The following COPS8 variants were observed in gnomAD, a reference collection of about 807,000 sequenced individuals.
The protein encoded by COPS8 is COP9 signalosome complex subunit 8.
A neutral mutation model predicts 31.5 loss-of-function variants in COPS8; 11 were observed. The observed-to-expected ratio is 0.35, with a 90% CI of 0.22 to 0.58. The LOEUF is 0.58. Among genes scored for constraint, COPS8 ranks in the 20% least tolerant of loss-of-function variants. The pLI is 0.83. For missense variants in COPS8, 215 were observed against 255.1 expected (o/e 0.84, Z 1.07); for synonymous variants, 81 against 89.3 (o/e 0.91, Z 0.52).
At chr2:237,096,695 A>G in intron 6 of COPS8, 127 bp from the exon 7 acceptor site, 1 of 727,736 alleles carries the variant, frequency 1.4e-6, no homozygotes, top group Non-Finnish European at 2.4e-6. Context: ...AATGGAGCAC[A>G]GTTGTTATCC....
chr2:237,093,402 T>G (rs1223826539), intron 4 of COPS8, among the ~76,000 whole-genome samples: 1 of 152,200 alleles, frequency 6.6e-6, no homozygotes, highest in Non-Finnish European at 1.5e-5. Flanking sequence ...CAATGAGCAA[T>G]GCCCAGGGAG....
intron 2 of COPS8, chr2:237,087,690 G>A (rs1696644404): frequency 5.8e-6 from 1 of 173,848 alleles, no homozygotes; most frequent in Non-Finnish European, 1.2e-5. Context: ...AGCACTCTGG[G>A]AGGCCAAGGC....
Position 237,086,057 on chromosome 2 carries a change from C to G in COPS8, c.78+15C>G. On this transcript the variant is annotated intron_variant, in intron 1 of 7. Coordinates refer to ENST00000354371, the MANE Select transcript of COPS8 (RefSeq NM_006710.5). ...AGGAGCTCGAGGTAACCCTTTGCGT[C>G]GCGCTGGGAGAAACTGCGGAGTAGT... The G allele has an allele frequency of 6.2e-7, 1 of 1,610,420 alleles. No homozygotes were observed. The highest frequency in any genetic ancestry group is 8.5e-7 in the Non-Finnish European group (1 of 1,177,450).
chr2:237,095,752 A>G (rs1187065747), intron 5 of COPS8, 70 bp from the exon 6 acceptor site: 5 of 1,021,148 alleles, frequency 4.9e-6, no homozygotes, highest in South Asian at 1.3e-5. Context: ...AACTAATGTC[A>G]TGGACAAGTT....
chr2:237,096,354 T>C (rs759890819), intron 6 of COPS8, among the ~76,000 whole-genome samples: 8 of 152,148 alleles, frequency 5.3e-5, no homozygotes, highest in Non-Finnish European at 8.8e-5. Flanking sequence ...CCTGCCCTCA[T>C]TGTCTTTATC....
In COPS8 at chr2:237,088,660, A is replaced by G. The variant is rs1696659027; in HGVS notation, c.198+7A>G. 6.4e-7 allele frequency: 1 copy of G among 1,571,090 alleles called. No homozygotes were observed. The highest frequency in any genetic ancestry group is 1.4e-5 in the African/African-American group (1 of 73,852). On this transcript the variant is annotated splice_region_variant and intron_variant, in intron 3 of 7. Coordinates refer to ENST00000354371, the MANE Select transcript of COPS8 (RefSeq NM_006710.5). ...ACCACCTGCTATAAAATCTGTAAGTATCCTTTAAACCTATTTTACTGCTTT... is the reference window on the plus strand; with the variant it reads ...ACCACCTGCTATAAAATCTGTAAGTGTCCTTTAAACCTATTTTACTGCTTT...
chr2:237,099,121 T>C lies in COPS8; in HGVS notation c.*1379T>C, dbSNP rs1696852600. 6.6e-6 allele frequency: 1 copy of C among 152,150 alleles called. No homozygotes were observed. The highest frequency in any genetic ancestry group is 2.4e-5 in the African/African-American group (1 of 41,442). 9.4% of individuals were successfully genotyped at this position (152,150 alleles called of 1,614,324 possible). A position where few individuals can be genotyped will look rare whatever the true frequency, so the allele number is the denominator to read the frequency against. On this transcript the variant is annotated 3_prime_UTR_variant, in exon 8 of 8. Coordinates refer to ENST00000354371, the MANE Select transcript of COPS8 (RefSeq NM_006710.5). ...AAATATTCATTAATAGGGGATTGTT[T>C]GAATAAACAGCAGTGTAGACTACGC...
rs79159519 is a variant in COPS8 at position 237,090,262 on chromosome 2, G to A, written c.331+268G>A. On this transcript the variant is annotated intron_variant, in intron 4 of 7. Transcript: ENST00000354371. Reference sequence around the variant, plus strand: ...TAAGAGTTTTTTTTGCTATTAAAACGAGATCTTGTAATATTCTAATAAGTT... The same window carrying A: ...TAAGAGTTTTTTTTGCTATTAAAACAAGATCTTGTAATATTCTAATAAGTT... Among the ~76,000 whole-genome samples, 58 of 152,232 alleles carry A rather than the reference G, an allele frequency of 3.8e-4. No homozygotes were observed. In the East Asian group the frequency reaches 7.7e-3, roughly 20 times the overall value.
At chr2:237,089,386 A>G (rs946885188) in intron 3 of COPS8, among the ~76,000 whole-genome samples, 5 of 152,220 alleles carry the variant, frequency 3.3e-5, no homozygotes, top group Admixed American at 3.3e-4. Flanking sequence ...AATCATGCAC[A>G]TAAGTTTCAA....
chr2:237,093,302 A>G (rs1696740256), intron 4 of COPS8, among the ~76,000 whole-genome samples: 1 of 152,224 alleles, frequency 6.6e-6, no homozygotes, highest in Non-Finnish European at 1.5e-5. Context: ...TTTGTTTTAC[A>G]TATGTACACT....
intron 4 of COPS8, among the ~76,000 whole-genome samples, chr2:237,091,880 C>A (rs1696710954): frequency 6.6e-6 from 1 of 152,198 alleles, no homozygotes; most frequent in Non-Finnish European, 1.5e-5. Context: ...AATTCCCTGA[C>A]CTTCCTTCCC....
At chr2:237,094,744 A>T (rs1696766878) in intron 5 of COPS8, among the ~76,000 whole-genome samples, 1 of 152,066 alleles carries the variant, frequency 6.6e-6, no homozygotes, top group Non-Finnish European at 1.5e-5. Context: ...CGGGTGGATC[A>T]TGATGAGGTC....
chr2:237,087,267 A>G, intron 2 of COPS8, 70 bp downstream of exon 2: 1 of 1,084,846 alleles, frequency 9.2e-7, no homozygotes, highest in Non-Finnish European at 1.4e-6. Flanking sequence ...TTCTGCACTG[A>G]AGTAGCACCA....
intron 4 of COPS8, chr2:237,093,738 A>T: frequency 3.0e-6 from 3 of 991,230 alleles, no homozygotes; most frequent in Non-Finnish European, 3.6e-6. Context: ...CTTTGATTCC[A>T]GCATTTGTAA....
chr2:237,089,455 G>A (rs1460811629), intron 3 of COPS8, among the ~76,000 whole-genome samples: 2 of 152,136 alleles, frequency 1.3e-5, no homozygotes, highest in East Asian at 3.9e-4. Flanking sequence ...CTTAGATTGA[G>A]AGTCTCTATT....
At chr2:237,096,031 C>CGG (rs2106347214) in intron 6 of COPS8, 147 bp downstream of exon 6, 5 of 605,870 alleles carry the variant, frequency 8.3e-6, no homozygotes, top group Admixed American at 5.8e-5. Context: ...GCGTAGTAGA[C>CGG]GGGGTAGAAA....
intron 5 of COPS8, among the ~76,000 whole-genome samples, 195 bp downstream of exon 5, chr2:237,094,392 A>G (rs748069526): frequency 7.9e-5 from 12 of 152,308 alleles, no homozygotes; most frequent in Admixed American, 2.0e-4. Flanking sequence ...TAATAGTTCT[A>G]TAGCAAGCAA....
At chr2:237,088,998 C>T (rs148476476) in intron 3 of COPS8, among the ~76,000 whole-genome samples, 67 of 152,250 alleles carry the variant, frequency 4.4e-4, no homozygotes, top group African/African-American at 1.5e-3. Context: ...TATAATGGTA[C>T]TTATTTTGAA....
chr2:237,100,076 C>G lies in COPS8; in HGVS notation c.*2334C>G, dbSNP rs1390686298. Reference sequence around the variant, plus strand: ...AATCTCTAAAGCAACAAAATCGAACCTGTAGGGTAGTCAAAAAGCTCATGC... The same window carrying G: ...AATCTCTAAAGCAACAAAATCGAACGTGTAGGGTAGTCAAAAAGCTCATGC... On this transcript the variant is annotated 3_prime_UTR_variant, in exon 8 of 8. Coordinates refer to ENST00000354371, the MANE Select transcript of COPS8 (RefSeq NM_006710.5). 6.6e-6 allele frequency: 1 copy of G among 152,134 alleles called. No homozygotes were observed. The highest frequency in any genetic ancestry group is 1.5e-5 in the Non-Finnish European group (1 of 68,040). 9.4% of individuals were successfully genotyped at this position (152,134 alleles called of 1,614,324 possible).
Sources: gnomAD v4.1 joint callset for allele counts (sites outside exome capture counted in the v4.1 genomes callset) on GRCh38, gnomAD v4.1.1 for gene constraint, MANE v1.5 for transcripts, NCBI Gene and HGNC (gene_info 2026-07-23, HGNC 2026-07-21) for gene names.